The following REDIC1 variants were observed in gnomAD, a reference collection of about 807,000 sequenced individuals.
REDIC1 encodes the protein HEI10 Interacting Protein 1.
the REDIC1 span, among the ~76,000 whole-genome samples, chr12:39,786,691 G>A: frequency 6.6e-6 from 1 of 152,134 alleles, no homozygotes; most frequent in African/African-American, 2.4e-5. Flanking sequence ...AGGAATTGGG[G>A]GAACTTAGAC....
At chr12:39,824,580 G>C in the REDIC1 span, among the ~76,000 whole-genome samples, 1 of 152,174 alleles carries the variant, frequency 6.6e-6, no homozygotes, top group Non-Finnish European at 1.5e-5. Flanking sequence ...GTTTGTAAGA[G>C]TTGCATCTGT....
the REDIC1 span, among the ~76,000 whole-genome samples, chr12:39,685,483 C>A: frequency 6.6e-6 from 1 of 152,098 alleles, no homozygotes; most frequent in Non-Finnish European, 1.5e-5. Flanking sequence ...ATCATGAGGA[C>A]AACACCAAGA....
the REDIC1 span, among the ~76,000 whole-genome samples, chr12:39,680,252 A>C: frequency 6.6e-6 from 1 of 152,236 alleles, no homozygotes; most frequent in Admixed American, 6.5e-5. Context: ...ACTAACATCC[A>C]GAATCTACAA....
chr12:39,711,713 A>G, the REDIC1 span, among the ~76,000 whole-genome samples: 10 of 11,340 alleles, frequency 8.8e-4, no homozygotes, highest in Non-Finnish European at 1.2e-3. Context: ...ATACACATGC[A>G]TGTGTATGCA....
chr12:39,714,178 T>C, the REDIC1 span, among the ~76,000 whole-genome samples: 1 of 138,746 alleles, frequency 7.2e-6, no homozygotes, highest in African/African-American at 2.6e-5. Context: ...TATATGTATA[T>C]ACATGCATAT....
At chr12:39,818,675 C>T in the REDIC1 span, among the ~76,000 whole-genome samples, 1 of 151,942 alleles carries the variant, frequency 6.6e-6, no homozygotes, top group Non-Finnish European at 1.5e-5. Flanking sequence ...TTTATAAATA[C>T]CAAGGTTTGG....
the REDIC1 span, among the ~76,000 whole-genome samples, chr12:39,794,435 TAAAG>T: frequency 6.6e-6 from 1 of 152,328 alleles, no homozygotes; most frequent in Non-Finnish European, 1.5e-5. Context: ...AAATTCTGCC[TAAAG>T]GTTTCCCCAT....
chr12:39,822,332 C>T, the REDIC1 span, among the ~76,000 whole-genome samples: 5 of 152,220 alleles, frequency 3.3e-5, no homozygotes, highest in Non-Finnish European at 7.4e-5. Flanking sequence ...GTCCAGGTAT[C>T]ACATAAAGCC....
chr12:39,903,518 A>C, the REDIC1 span, among the ~76,000 whole-genome samples: 1 of 152,062 alleles, frequency 6.6e-6, no homozygotes. Flanking sequence ...AGAGTGAGGG[A>C]AGCTCATGAC....
the REDIC1 span, among the ~76,000 whole-genome samples, chr12:39,751,293 G>GA: frequency 7.2e-5 from 11 of 152,258 alleles, no homozygotes; most frequent in Non-Finnish European, 1.5e-4. Flanking sequence ...GCAGACACAT[G>GA]AAAAAATGCT....
the REDIC1 span, among the ~76,000 whole-genome samples, chr12:39,861,968 C>T: frequency 2.6e-5 from 4 of 152,124 alleles, no homozygotes; most frequent in African/African-American, 9.7e-5. Context: ...CACCTATCAA[C>T]CCATCACCTA....
the REDIC1 span, among the ~76,000 whole-genome samples, chr12:39,771,595 G>T: frequency 3.9e-5 from 6 of 152,168 alleles, no homozygotes; most frequent in Non-Finnish European, 8.8e-5. Context: ...GAGGCCCTAA[G>T]CAGAGGACAC....
At chr12:39,820,981 G>A in the REDIC1 span, among the ~76,000 whole-genome samples, 27 of 151,790 alleles carry the variant, frequency 1.8e-4, no homozygotes, top group African/African-American at 6.5e-4. Context: ...TCCTACTGCA[G>A]TGTTCCCCAA....
chr12:39,722,779 G>T, the REDIC1 span, among the ~76,000 whole-genome samples: 1 of 152,140 alleles, frequency 6.6e-6, no homozygotes, highest in African/African-American at 2.4e-5. Context: ...GTAAAGTGTA[G>T]TGCAGTAAAG....
chr12:39,703,246 C>A, the REDIC1 span, among the ~76,000 whole-genome samples: 944 of 151,206 alleles, frequency 6.2e-3, 6 homozygotes, highest in African/African-American at 0.022. Context: ...TCTCAGGATA[C>A]AAAATCAATG....
chr12:39,716,310 G>T, the REDIC1 span, among the ~76,000 whole-genome samples: 1 of 151,868 alleles, frequency 6.6e-6, no homozygotes, highest in African/African-American at 2.4e-5. Flanking sequence ...TATCAAACTG[G>T]ATGCTTTGAA....
chr12:39,696,016 A>C, the REDIC1 span, among the ~76,000 whole-genome samples: 2 of 152,112 alleles, frequency 1.3e-5, no homozygotes, highest in African/African-American at 4.8e-5. Context: ...GTATGTCTAC[A>C]AGTCTGCAAG....
the REDIC1 span, chr12:39,684,135 G>T: frequency 3.0e-6 from 3 of 1,001,232 alleles, no homozygotes; most frequent in Non-Finnish European, 3.6e-6. Context: ...TGTACAAAAT[G>T]TTCTGAGTTT....
the REDIC1 span, among the ~76,000 whole-genome samples, chr12:39,651,701 C>CT: frequency 1.3e-5 from 2 of 152,038 alleles, no homozygotes; most frequent in Non-Finnish European, 2.9e-5. Context: ...GGTAACAGTT[C>CT]TTTTTTGTTC....
Sources: allele counts gnomAD v4.1 joint callset (sites outside exome capture counted in the v4.1 genomes callset), GRCh38; gene constraint gnomAD v4.1.1; transcripts MANE v1.5; gene names NCBI Gene and HGNC (gene_info 2026-07-23, HGNC 2026-07-21).